FAH: variants seen among roughly 807,000 people sequenced by gnomAD.
FAH encodes the protein fumarylacetoacetate hydrolase.
FAH carries 47 observed loss-of-function variants against 55.8 expected under a neutral mutation model. The observed-to-expected ratio is 0.84, with a 90% CI of 0.67 to 1.07. The LOEUF (loss-of-function observed/expected upper bound fraction) is 1.07. Ranked by LOEUF, FAH falls within the 50% of genes least tolerant of loss-of-function variation. The probability of loss-of-function intolerance (pLI) is 0.00; values close to 1 mark genes in which losing one functional copy is unlikely to be tolerated. For synonymous variants in FAH, 199 were observed against 207.7 expected (o/e 0.96, Z 0.36); for missense variants, 495 against 545.9 (o/e 0.91, Z 0.93).
intron 11 of FAH, among the ~76,000 whole-genome samples, chr15:80,179,071 G>A (rs1171483981): frequency 6.6e-6 from 1 of 152,164 alleles, no homozygotes; most frequent in Non-Finnish European, 1.5e-5. Flanking sequence ...AGTACACATA[G>A]ACTCAGCCTA....
intron 13 of FAH, 64 bp downstream of exon 13, chr15:80,181,223 G>C: frequency 1.7e-6 from 2 of 1,168,878 alleles, no homozygotes; most frequent in Non-Finnish European, 2.6e-6. Context: ...TTCTAGCTGC[G>C]GGGCGCTCCT....
Position 80,153,044 on chromosome 15 carries a change from T to G in FAH, c.-11T>G. 6.2e-7 allele frequency: 1 copy of G among 1,612,312 alleles called. No individual in the cohort carries two copies. Among genetic ancestry groups the G allele is most frequent in the Non-Finnish European group, 8.5e-7 (1 of 1,179,606 alleles). On this transcript the variant is annotated 5_prime_UTR_variant, in exon 1 of 14. Transcript: ENST00000561421. ...ACCTTAGGCCCGCAGCCGTGCCGGG[T>G]GCTCTTCAGCATGTCCTTCATCCCG...
chr15:80,180,333 G>A (rs2041320777), intron 12 of FAH, 108 bp downstream of exon 12: 1 of 838,490 alleles, frequency 1.2e-6, no homozygotes, highest in South Asian at 1.4e-5. Context: ...GGCCCGAGGT[G>A]GGTGTATCTC....
intron 10 of FAH, among the ~76,000 whole-genome samples, chr15:80,176,627 G>A (rs2041286536): frequency 6.6e-6 from 1 of 152,210 alleles, no homozygotes; most frequent in Non-Finnish European, 1.5e-5. Context: ...TGGCAGGGCT[G>A]GGACTCAATC....
chr15:80,159,883 A>G lies in FAH; in HGVS notation c.314+6A>G. On this transcript the variant is annotated splice_donor_region_variant and intron_variant, in intron 3 of 13. Transcript: ENST00000561421. The stretch of plus-strand genomic sequence containing the variant: ...GACACCGAACTTCGGAAGTGGTGAG[A>G]AGCACGTGGTCATAGGGGGGATGAG... The G allele has an allele frequency of 6.2e-7, 1 of 1,614,106 alleles. No homozygotes were observed. The highest frequency in any genetic ancestry group is 1.3e-5 in the African/African-American group (1 of 75,066).
chr15:80,165,674 G>A (rs1394683942), intron 5 of FAH, among the ~76,000 whole-genome samples: 7 of 151,254 alleles, frequency 4.6e-5, no homozygotes, highest in African/African-American at 1.5e-4. Context: ...CAGCCTGGGC[G>A]ACAGAGCGAG....
At chr15:80,157,227 GTCA>G (rs1303564146) in intron 1 of FAH, 1 of 152,390 alleles carries the variant, frequency 6.6e-6, no homozygotes, top group Non-Finnish European at 1.5e-5. Flanking sequence ...TGGAGAAATG[GTCA>G]TCTTTTCTCA....
chr15:80,186,141 G>C lies in FAH; in HGVS notation c.1192G>C (p.Gly398Arg). Residue 398 changes from glycine to arginine, a missense_variant, in exon 14 of 14, where the codon GGG (glycine) becomes CGG (arginine). Gly to Arg is a moderately radical substitution (Grantham distance 125). Coordinates refer to ENST00000561421, the MANE Select transcript of FAH (RefSeq NM_000137.4). ...CTCCTCTGTTCCAGGGTACTGCCAG[G>C]GGGATGGTTACCGCATCGGCTTTGG... ...DEVIITGYCQ[G>R]DGYRIGFGQC... The C allele has an allele frequency of 6.2e-7, 1 of 1,614,162 alleles. No homozygotes were observed. Among genetic ancestry groups the C allele is most frequent in the Admixed American group, 1.7e-5 (1 of 60,028 alleles).
At chr15:80,159,974 C>T (rs1348636093) in intron 3 of FAH, 97 bp downstream of exon 3, 5 of 1,502,904 alleles carry the variant, frequency 3.3e-6, no homozygotes, top group Non-Finnish European at 4.5e-6. Flanking sequence ...GGCTTGGCAG[C>T]CTTAGTGTGG....
chr15:80,183,109 T>C (rs920962595), intron 13 of FAH, among the ~76,000 whole-genome samples: 1 of 152,096 alleles, frequency 6.6e-6, no homozygotes, highest in Admixed American at 6.5e-5. Context: ...CCATGTTTGT[T>C]TGTGTATACA....
chr15:80,184,019 C>G (rs990990989), intron 13 of FAH, among the ~76,000 whole-genome samples: 2 of 152,172 alleles, frequency 1.3e-5, no homozygotes, highest in South Asian at 4.1e-4. Context: ...AGCAAGAGAA[C>G]AGGTGAAGTA....
intron 5 of FAH, chr15:80,163,742 T>C (rs184353449): frequency 6.6e-6 from 1 of 152,352 alleles, no homozygotes; most frequent in African/African-American, 2.4e-5. Context: ...GTCTACTCTT[T>C]GACCTGCAAT....
upstream of FAH, chr15:80,152,888 G>A (rs1272755233): frequency 6.4e-6 from 4 of 625,348 alleles, no homozygotes; most frequent in Non-Finnish European, 1.1e-5. Flanking sequence ...GGGTGTTCAC[G>A]GTGAGACCAA....
rs1480730802 is a variant in FAH, at chr15:80,168,160, G to C, written c.553+11G>C. 6 of 1,612,272 alleles carry C rather than the reference G, an allele frequency of 3.7e-6. No individual in the cohort carries two copies. Among genetic ancestry groups the C allele is most frequent in the Non-Finnish European group, 5.1e-6 (6 of 1,178,678 alleles). ...TGAAACCTGATGACTGTGAGTGACC[G>C]CAGCGTCCAGGCCTTGCTGGTACCC... is the stretch of plus-strand genomic sequence containing the variant. On this transcript the variant is annotated intron_variant, in intron 6 of 13. Transcript: ENST00000561421.
intron 2 of FAH, among the ~76,000 whole-genome samples, chr15:80,159,360 A>C (rs374584738): frequency 6.6e-6 from 1 of 152,068 alleles, no homozygotes; most frequent in African/African-American, 2.4e-5. Context: ...GGCATGAGCC[A>C]TCACACCTGG....
chr15:80,160,337 C>G, intron 3 of FAH, 73 bp from the exon 4 acceptor site: 1 of 1,470,368 alleles, frequency 6.8e-7, no homozygotes, highest in Non-Finnish European at 9.5e-7. Flanking sequence ...TGGGGATGGT[C>G]TGGGCTGAGC....
chr15:80,173,257 C>A, intron 9 of FAH, 113 bp downstream of exon 9: 1 of 1,397,520 alleles, frequency 7.2e-7, no homozygotes, highest in Non-Finnish European at 1.0e-6. Flanking sequence ...AAGCTCTGTG[C>A]CCACGGCATG....
In FAH at chr15:80,173,295, G is replaced by T. The variant is rs1274821133; in HGVS notation, c.837+151G>T. The T allele has an allele frequency of 4.0e-6, 4 of 1,010,354 alleles. No homozygotes were observed. In the African/African-American group the frequency reaches 4.7e-5, roughly 12 times the overall value. The allele number at this position is 1,010,354 out of a possible 1,614,324, so 62.6% of individuals were successfully genotyped here. A position where few individuals can be genotyped will look rare whatever the true frequency, so the allele number is the denominator to read the frequency against. On this transcript the variant is annotated intron_variant, in intron 9 of 13. Transcript: ENST00000561421. The stretch of plus-strand genomic sequence containing the variant: ...CACAGCAGAGTGCCTGGGAGTTCCT[G>T]GCCACGATTACTTCCAGGCAGCCAG...
Position 80,180,175 on chromosome 15 carries a change from T to G in FAH, c.1012T>G (p.Cys338Gly). ...GCTCACTCACCACTCTGTCAACGGCTGCAACCTGCGGCCGGGGGACCTCCT... is the reference window on the plus strand; with the variant it reads ...GCTCACTCACCACTCTGTCAACGGCGGCAACCTGCGGCCGGGGGACCTCCT... The part of the protein sequence containing the change: ...QQLTHHSVNG[C>G]NLRPGDLLAS... Residue 338 changes from cysteine to glycine, a missense_variant, in exon 12 of 14, where the codon TGC becomes GGC. Cys to Gly is a radical substitution (Grantham distance 159). Coordinates refer to ENST00000561421, the MANE Select transcript of FAH (RefSeq NM_000137.4). 6.2e-7 allele frequency: 1 copy of G among 1,610,722 alleles called. No homozygotes were observed. Among genetic ancestry groups the G allele is most frequent in the East Asian group, 2.2e-5 (1 of 44,886 alleles).
Sources: gnomAD v4.1 joint callset for allele counts (sites outside exome capture counted in the v4.1 genomes callset) on GRCh38, gnomAD v4.1.1 for gene constraint, MANE v1.5 for transcripts, NCBI Gene and HGNC (gene_info 2026-07-23, HGNC 2026-07-21) for gene names.